The following ZCCHC17 variants were observed in gnomAD, a reference collection of about 807,000 sequenced individuals.
The protein encoded by ZCCHC17 is zinc finger CCHC-type containing 17.
In ZCCHC17, 18 loss-of-function variants were observed where a neutral mutation model predicts 30.6. The ratio of observed to expected loss-of-function variants is 0.59; its 90% CI spans 0.41 to 0.87. ZCCHC17 has a LOEUF of 0.87. Ranked by LOEUF, ZCCHC17 falls within the 40% of genes least tolerant of loss-of-function variation. The pLI is 0.00. For missense variants in ZCCHC17, 263 were observed against 284.2 expected, an observed-to-expected ratio of 0.93 and a Z score of 0.54; for synonymous variants, 88 against 92.4, an observed-to-expected ratio of 0.95 and a Z score of 0.27.
At chr1:31,349,698 T>C (rs946231991) in intron 7 of ZCCHC17, among the ~76,000 whole-genome samples, 1 of 152,246 alleles carries the variant, frequency 6.6e-6, no homozygotes, top group African/African-American at 2.4e-5. Flanking sequence ...TACAAAATTG[T>C]GGTCATACTA....
chr1:31,309,077 T>A (rs1265721294), intron 1 of ZCCHC17, among the ~76,000 whole-genome samples: 1 of 152,190 alleles, frequency 6.6e-6, no homozygotes, highest in Non-Finnish European at 1.5e-5. Context: ...TATCTGAACT[T>A]TCACAGTGTG....
At chr1:31,346,547 C>A in intron 5 of ZCCHC17, 93 bp from the exon 6 acceptor site, 1 of 1,426,970 alleles carries the variant, frequency 7.0e-7, no homozygotes, top group Non-Finnish European at 9.3e-7. Context: ...CCTTTCCCTG[C>A]CAAAAACAAA....
intron 5 of ZCCHC17, among the ~76,000 whole-genome samples, chr1:31,342,435 G>A (rs1217576602): frequency 6.6e-6 from 1 of 152,142 alleles, no homozygotes; most frequent in East Asian, 1.9e-4. Flanking sequence ...AGTTGTCCCC[G>A]ACCTTTTTGT....
At chr1:31,298,387 GT>G (rs35380795) in intron 1 of ZCCHC17, among the ~76,000 whole-genome samples, 19,905 of 138,562 alleles carry the variant, frequency 0.14, 1,239 homozygotes, top group African/African-American at 0.18. Context: ...GTTTTTTTTT[GT>G]TTTTTTTTTT....
At chr1:31,306,186 A>G (rs1441533423) in intron 1 of ZCCHC17, among the ~76,000 whole-genome samples, 1 of 152,150 alleles carries the variant, frequency 6.6e-6, no homozygotes, top group Non-Finnish European at 1.5e-5. Context: ...CAACCTTAGC[A>G]TACAATTTTT....
At chr1:31,298,053 G>T (rs1324530209) in intron 1 of ZCCHC17, among the ~76,000 whole-genome samples, 2 of 152,248 alleles carry the variant, frequency 1.3e-5, no homozygotes, top group Non-Finnish European at 2.9e-5. Context: ...GATCCCTCAG[G>T]CTCAGTGGTG....
intron 6 of ZCCHC17, chr1:31,346,949 A>G (rs886083125): frequency 3.6e-6 from 4 of 1,098,114 alleles, no homozygotes; most frequent in African/African-American, 3.2e-5. Flanking sequence ...ACCAGATACT[A>G]TACCACTACC....
chr1:31,316,083 A>G (rs1219700208), intron 2 of ZCCHC17, among the ~76,000 whole-genome samples: 1 of 151,950 alleles, frequency 6.6e-6, no homozygotes, highest in African/African-American at 2.4e-5. Context: ...TAACTTCCAG[A>G]TTTATTTATT....
chr1:31,350,315 C>T (rs1329911907), intron 7 of ZCCHC17, among the ~76,000 whole-genome samples: 1 of 152,076 alleles, frequency 6.6e-6, no homozygotes, highest in African/African-American at 2.4e-5. Flanking sequence ...TCCTTGCCCT[C>T]AGTGGTTATT....
At chr1:31,313,293 T>G (rs1204071622) in intron 2 of ZCCHC17, among the ~76,000 whole-genome samples, 2 of 151,948 alleles carry the variant, frequency 1.3e-5, no homozygotes, top group Admixed American at 1.3e-4. Flanking sequence ...GCTGGTCTTT[T>G]GAACTCCTGA....
At chr1:31,310,836 A>G (rs767929871) in intron 2 of ZCCHC17, among the ~76,000 whole-genome samples, 1 of 152,216 alleles carries the variant, frequency 6.6e-6, no homozygotes, top group Non-Finnish European at 1.5e-5. Flanking sequence ...GCAGGTTCCC[A>G]GACTACACAT....
chr1:31,346,725 A>T lies in ZCCHC17; in HGVS notation c.403A>T (p.Lys135Ter). Reference protein sequence around the residue: ...LEAVLNTTCKKCGCKGHFAKD... With the variant: ...LEAVLNTTCK ...GGCTGTCTTGAACACTACCTGCAAG[A>T]AGTGTGGCTGTAAAGGTAGGGTGAA... The change falls in exon 6 of 8, where the codon AAG becomes TAG. Residue 135 changes from lysine (K) to a stop codon, truncating the protein, a stop_gained. Transcript: ENST00000344147. LOFTEE classifies it high-confidence loss of function. 1 of 1,614,160 alleles carries T rather than the reference A, an allele frequency of 6.2e-7. No individual in the cohort carries two copies. The highest frequency in any genetic ancestry group is 8.5e-7 in the Non-Finnish European group (1 of 1,180,032).
chr1:31,299,518 G>A (rs1004999728), intron 1 of ZCCHC17, among the ~76,000 whole-genome samples: 26 of 152,132 alleles, frequency 1.7e-4, no homozygotes, highest in African/African-American at 5.8e-4. Flanking sequence ...AATTGAATTT[G>A]GAACTGAGTT....
At chr1:31,337,602 A>G (rs1195125152) in intron 4 of ZCCHC17, among the ~76,000 whole-genome samples, 2 of 152,258 alleles carry the variant, frequency 1.3e-5, no homozygotes, top group East Asian at 3.8e-4. Flanking sequence ...ACAAGTGTTT[A>G]TCACAGACTT....
chr1:31,302,538 A>T (rs1388553670), intron 1 of ZCCHC17, among the ~76,000 whole-genome samples: 1 of 152,190 alleles, frequency 6.6e-6, no homozygotes, highest in East Asian at 1.9e-4. Context: ...TAATGTTGGG[A>T]CCTAGTTAGT....
rs115141440 is a variant in ZCCHC17 at position 31,348,820 on chromosome 1, C to T, written c.419-9C>T. The T allele has an allele frequency of 2.6e-3, 4,208 of 1,612,240 alleles. 94 individuals are homozygous for T. In the African/African-American group the frequency reaches 0.047, roughly 18 times the overall value. On this transcript the variant is annotated splice_polypyrimidine_tract_variant and intron_variant, in intron 6 of 7. Transcript: ENST00000344147. Reference sequence around the variant, plus strand: ...CTTTTTCTATACCTTTTCTACTTTTCTTCTGCAGGCCACTTTGCAAAAGAT... The same window carrying T: ...CTTTTTCTATACCTTTTCTACTTTTTTTCTGCAGGCCACTTTGCAAAAGAT...
intron 1 of ZCCHC17, among the ~76,000 whole-genome samples, chr1:31,304,937 G>A (rs76499711): frequency 0.017 from 2,546 of 152,012 alleles, 83 homozygotes; most frequent in African/African-American, 0.057. Flanking sequence ...TTTTCCAAGT[G>A]AAATCTTACA....
At chr1:31,306,121 T>G (rs1168586939) in intron 1 of ZCCHC17, among the ~76,000 whole-genome samples, 1 of 152,208 alleles carries the variant, frequency 6.6e-6, no homozygotes, top group Non-Finnish European at 1.5e-5. Context: ...CATGAATGTT[T>G]TTTTCTTCCT....
intron 7 of ZCCHC17, among the ~76,000 whole-genome samples, chr1:31,355,765 G>A (rs143957522): frequency 1.6e-4 from 24 of 152,242 alleles, no homozygotes; most frequent in African/African-American, 5.1e-4. Context: ...CCCAGCTACC[G>A]TTAGCCATCA....
Sources: allele counts gnomAD v4.1 joint callset (sites outside exome capture counted in the v4.1 genomes callset), GRCh38; gene constraint gnomAD v4.1.1; transcripts MANE v1.5; gene names NCBI Gene and HGNC (gene_info 2026-07-23, HGNC 2026-07-21).